The following FRAS1 variants were observed in gnomAD, a reference collection of about 807,000 sequenced individuals.
FRAS1 encodes extracellular matrix organizing protein FRAS1.
FRAS1 carries 290 observed loss-of-function variants against 435.2 expected under a neutral mutation model. The observed-to-expected ratio is 0.67, with a 90% CI of 0.61 to 0.73. The LOEUF (loss-of-function observed/expected upper bound fraction) is 0.73. Ranked by LOEUF, FRAS1 falls within the 30% of genes least tolerant of loss-of-function variation. The pLI is 0.00. For missense variants in FRAS1, 4,860 were observed against 5,001.5 expected, an observed-to-expected ratio of 0.97 and a Z score of 0.85; for synonymous variants, 1,800 against 1,851.0, an observed-to-expected ratio of 0.97 and a Z score of 0.71.
At chr4:78,115,950 T>C (rs1743137751) in intron 2 of FRAS1, among the ~76,000 whole-genome samples, 1 of 152,230 alleles carries the variant, frequency 6.6e-6, no homozygotes, top group African/African-American at 2.4e-5. Flanking sequence ...CTTTCCTGCT[T>C]TCTCTTGTGG....
chr4:78,479,823 T>C, intron 56 of FRAS1, 105 bp downstream of exon 56: 1 of 842,940 alleles, frequency 1.2e-6, no homozygotes, highest in Non-Finnish European at 1.8e-6. Flanking sequence ...GAGAATGCCA[T>C]TCCTCAGGGA....
chr4:78,357,215 T>G (rs1730889826), intron 20 of FRAS1, among the ~76,000 whole-genome samples: 1 of 152,206 alleles, frequency 6.6e-6, no homozygotes, highest in Non-Finnish European at 1.5e-5. Context: ...TTGGACTAAG[T>G]TGGTACCCCT....
intron 6 of FRAS1, among the ~76,000 whole-genome samples, chr4:78,264,200 C>G (rs1344150828): frequency 1.3e-5 from 2 of 152,168 alleles, no homozygotes; most frequent in Non-Finnish European, 2.9e-5. Context: ...GAGGCTGACT[C>G]TTTGGCATTA....
intron 29 of FRAS1, among the ~76,000 whole-genome samples, chr4:78,398,007 T>G (rs762946490): frequency 6.6e-6 from 1 of 152,210 alleles, no homozygotes; most frequent in Non-Finnish European, 1.5e-5. Context: ...AACTTTCAGC[T>G]AGACCCCAGG....
rs1721101604 is a variant in FRAS1, at chr4:78,513,405, G to A, written c.10027G>A (p.Val3343Met). The A allele has an allele frequency of 6.2e-7, 1 of 1,613,646 alleles. No homozygotes were observed. Residue 3343 changes from valine (V) to methionine (M), a missense_variant, in exon 65 of 74, where the codon GTG (valine) becomes ATG (methionine). By Grantham distance (21) the Val-to-Met change is conservative. Coordinates refer to ENST00000512123, the MANE Select transcript of FRAS1 (RefSeq NM_025074.7). ...KEHPNRIHIS[V>M]QIPHQDGMLP... ...TTTTCCCCCTAGAATCCACATTTCG[G>A]TGCAGATCCCACACCAGGATGGAAT...
chr4:78,152,953 C>G (rs570835516), intron 2 of FRAS1, among the ~76,000 whole-genome samples: 85 of 152,158 alleles, frequency 5.6e-4, no homozygotes, highest in Non-Finnish European at 1.0e-3. Context: ...TAGCACAGAG[C>G]TCTCCCTTTT....
At chr4:78,281,219 T>C (rs1366421943) in intron 10 of FRAS1, among the ~76,000 whole-genome samples, 179 bp from the exon 11 acceptor site, 1 of 152,164 alleles carries the variant, frequency 6.6e-6, no homozygotes, top group Non-Finnish European at 1.5e-5. Context: ...CACGTTGATT[T>C]CACCTCAGAT....
intron 2 of FRAS1, among the ~76,000 whole-genome samples, chr4:78,230,647 A>G (rs900095708): frequency 1.3e-5 from 2 of 152,218 alleles, no homozygotes; most frequent in African/African-American, 4.8e-5. Context: ...CCTGAAAACC[A>G]GACTTGTCAG....
intron 37 of FRAS1, 62 bp downstream of exon 37, chr4:78,430,479 AGTT>A: frequency 6.5e-7 from 1 of 1,549,656 alleles, no homozygotes; most frequent in Non-Finnish European, 8.8e-7. Flanking sequence ...CTCTACAATC[AGTT>A]GTTATGTGTC....
chr4:78,461,319 T>A (rs1007813584), intron 47 of FRAS1, among the ~76,000 whole-genome samples: 2 of 152,212 alleles, frequency 1.3e-5, no homozygotes, highest in African/African-American at 2.4e-5. Flanking sequence ...AGGTTTCTTG[T>A]CTAGATAAGT....
At chr4:78,090,196 G>C (rs1217519473) in intron 2 of FRAS1, among the ~76,000 whole-genome samples, 1 of 152,134 alleles carries the variant, frequency 6.6e-6, no homozygotes, top group African/African-American at 2.4e-5. Context: ...TAGTACTCTA[G>C]CAAAACACAC....
intron 2 of FRAS1, among the ~76,000 whole-genome samples, chr4:78,156,203 T>C (rs1329772258): frequency 6.6e-6 from 1 of 152,204 alleles, no homozygotes; most frequent in Non-Finnish European, 1.5e-5. Flanking sequence ...ATTGGAAAAC[T>C]ATTGAAATTC....
intron 2 of FRAS1, among the ~76,000 whole-genome samples, chr4:78,170,694 G>A (rs138757847): frequency 6.8e-4 from 103 of 152,168 alleles, no homozygotes; most frequent in South Asian, 1.5e-3. Context: ...TCTCATTGTC[G>A]TTTTCATCTA....
Position 78,469,992 on chromosome 4 carries a change from A to T in FRAS1, c.7272A>T (p.Ala2424=). The part of the protein sequence containing the change: ...EEGGKEIMTA[A]PQPFRVDILP... ...CTCCCCTTCAGATTATGACAGCAGCACCTCAGCCGTTCCGAGTAGACATCC... is the reference window on the plus strand; with the variant it reads ...CTCCCCTTCAGATTATGACAGCAGCTCCTCAGCCGTTCCGAGTAGACATCC... The change falls in exon 51 of 74, where the codon GCA becomes GCT. Residue 2424 remains alanine (A), a synonymous_variant. Coordinates refer to ENST00000512123, the MANE Select transcript of FRAS1 (RefSeq NM_025074.7). The T allele has an allele frequency of 6.2e-7, 1 of 1,613,252 alleles. No homozygotes were observed. Among genetic ancestry groups the T allele is most frequent in the Non-Finnish European group, 8.5e-7 (1 of 1,179,520 alleles).
chr4:78,230,646 C>T (rs1367534811), intron 2 of FRAS1, among the ~76,000 whole-genome samples: 2 of 152,102 alleles, frequency 1.3e-5, no homozygotes, highest in Non-Finnish European at 2.9e-5. Context: ...TCCTGAAAAC[C>T]AGACTTGTCA....
chr4:78,452,235 T>C lies in FRAS1; in HGVS notation c.6644T>C (p.Val2215Ala). ...NKGLVLDENSVKKITTLQLSA... is the reference protein window; with the variant it reads ...NKGLVLDENSAKKITTLQLSA... ...GGACTGGTCTTGGATGAAAACTCAGTGAAGAAAATCACCACCCTGCAGCTG... is the reference window on the plus strand; with the variant it reads ...GGACTGGTCTTGGATGAAAACTCAGCGAAGAAAATCACCACCCTGCAGCTG... The change falls in exon 47 of 74, where the codon GTG (valine) becomes GCG (alanine). Residue 2215 changes from valine (V) to alanine (A), a missense_variant. Coordinates refer to ENST00000512123, the MANE Select transcript of FRAS1 (RefSeq NM_025074.7). 6.2e-7 allele frequency: 1 copy of C among 1,613,778 alleles called. No homozygotes were observed. The highest frequency in any genetic ancestry group is 8.5e-7 in the Non-Finnish European group (1 of 1,179,764).
intron 12 of FRAS1, among the ~76,000 whole-genome samples, chr4:78,283,425 C>A (rs1727425525): frequency 6.6e-6 from 1 of 152,180 alleles, no homozygotes; most frequent in African/African-American, 2.4e-5. Context: ...AGTGTAAAGA[C>A]TCATTAGTTT....
chr4:78,397,663 T>G (rs1732725329), intron 29 of FRAS1, among the ~76,000 whole-genome samples: 2 of 152,208 alleles, frequency 1.3e-5, no homozygotes. Flanking sequence ...TTTTTTGAGA[T>G]CCACACAATG....
rs537642354 is a variant in FRAS1, at chr4:78,522,705, C to T, written c.10705C>T (p.Pro3569Ser). The T allele has an allele frequency of 2.3e-5, 37 of 1,610,836 alleles. No individual in the cohort carries two copies. Among genetic ancestry groups the T allele is most frequent in the Non-Finnish European group, 2.9e-5 (34 of 1,178,460 alleles). ...AGAAGTGAAATCTTTCGTATTGACT[C>T]CAGACCACCTAGGAGGAATTGAATT... ...LPEVKSFVLT[P>S]DHLGGIEFDL... The change falls in exon 69 of 74, where the codon CCA (proline) becomes TCA (serine). Residue 3569 changes from proline (P) to serine (S), a missense_variant. Transcript: ENST00000512123.
Sources: gnomAD v4.1 joint callset for allele counts (sites outside exome capture counted in the v4.1 genomes callset) on GRCh38, gnomAD v4.1.1 for gene constraint, MANE v1.5 for transcripts, NCBI Gene and HGNC (gene_info 2026-07-23, HGNC 2026-07-21) for gene names.